Variants in ADCY8 observed in about 807,000 individuals in gnomAD.
ADCY8 encodes the protein adenylate cyclase 8.
A neutral mutation model predicts 119.7 loss-of-function variants in ADCY8; 51 were observed. The ratio of observed to expected loss-of-function variants is 0.43; its 90% CI spans 0.34 to 0.54. The LOEUF (loss-of-function observed/expected upper bound fraction) is 0.54. Among genes scored for constraint, ADCY8 ranks in the 20% least tolerant of loss-of-function variants. The pLI is 0.03. For synonymous variants in ADCY8, 665 were observed against 651.0 expected, an observed-to-expected ratio of 1.02 and a Z score of -0.33; for missense variants, 1,383 against 1,598.8, an observed-to-expected ratio of 0.87 and a Z score of 2.30.
chr8:131,034,684 T>C (rs1824096124), intron 1 of ADCY8, among the ~76,000 whole-genome samples: 1 of 151,952 alleles, frequency 6.6e-6, no homozygotes, highest in South Asian at 2.1e-4. Context: ...CTGCCTTTGA[T>C]TGTACAGTTA....
chr8:130,904,961 G>C lies in ADCY8; in HGVS notation c.1641-919C>G, dbSNP rs151069264. On this transcript the variant is annotated intron_variant, in intron 6 of 17. Transcript: ENST00000286355. ...GTTACAAACATGGACTTCATTGCTA[G>C]ATCTCCTAGATTCAAACCGTAGCTC... Among the ~76,000 whole-genome samples the C allele has an allele frequency of 6.6e-5, 10 of 152,268 alleles. No homozygotes were observed. The East Asian group carries it at 1.9e-3, about 29-fold the overall frequency.
intron 14 of ADCY8, among the ~76,000 whole-genome samples, chr8:130,807,915 C>T (rs1341064873): frequency 2.5e-4 from 30 of 120,830 alleles, no homozygotes; most frequent in Admixed American, 1.4e-3. Context: ...ACCCGGGAGG[C>T]GGAGCTTGCA....
rs965805505 is a variant in ADCY8, at chr8:130,888,487, GT to G, written c.1912-3727del. 5.1e-4 allele frequency among the ~76,000 whole-genome samples: 78 copies of G among 152,210 alleles called. 1 individual carries two copies. The highest frequency in any genetic ancestry group is 1.8e-3 in the African/African-American group (76 of 41,554). On this transcript the variant is annotated intron_variant, in intron 7 of 17. Transcript: ENST00000286355. ...AGCTGAGATGGCCTCTCATGACTGAGTTTTTTCCCAAAATGATGTTGAATTC... is the reference window on the plus strand; with the variant it reads ...AGCTGAGATGGCCTCTCATGACTGAGTTTTTCCCAAAATGATGTTGAATTC...
chr8:130,908,783 A>G (rs1368989531), intron 6 of ADCY8, among the ~76,000 whole-genome samples: 2 of 152,186 alleles, frequency 1.3e-5, no homozygotes, highest in African/African-American at 4.8e-5. Flanking sequence ...TGCTTTACAT[A>G]ACTTGCTGAA....
intron 2 of ADCY8, among the ~76,000 whole-genome samples, chr8:130,953,058 C>T (rs139151271): frequency 6.6e-6 from 1 of 152,184 alleles, no homozygotes; most frequent in African/African-American, 2.4e-5. Context: ...GAATTAAATT[C>T]TAAAAAGTCT....
chr8:130,784,085 G>A (rs561487534), intron 16 of ADCY8, among the ~76,000 whole-genome samples: 2 of 152,042 alleles, frequency 1.3e-5, no homozygotes. Context: ...ATTCCGTAGT[G>A]TATGTTCACT....
intron 2 of ADCY8, among the ~76,000 whole-genome samples, chr8:130,955,273 A>G (rs1157449305): frequency 3.9e-5 from 6 of 152,100 alleles, no homozygotes; most frequent in Non-Finnish European, 7.3e-5. Flanking sequence ...ATTCAACATA[A>G]CTCCATGGCA....
chr8:130,848,183 G>C (rs922326942), intron 10 of ADCY8, among the ~76,000 whole-genome samples: 1 of 152,152 alleles, frequency 6.6e-6, no homozygotes, highest in Non-Finnish European at 1.5e-5. Context: ...GTGGATCTGA[G>C]ATTTGAACAC....
intron 1 of ADCY8, among the ~76,000 whole-genome samples, chr8:131,022,518 A>G (rs1038937299): frequency 3.2e-4 from 49 of 152,314 alleles, no homozygotes; most frequent in African/African-American, 1.1e-3. Context: ...TATCCAGTCT[A>G]TCATTGATGG....
At chr8:130,912,886 G>C (rs1820023073) in intron 5 of ADCY8, among the ~76,000 whole-genome samples, 2 of 152,232 alleles carry the variant, frequency 1.3e-5, no homozygotes, top group Middle Eastern at 6.8e-3. Context: ...GGCAAGAGAA[G>C]AAATGGAATC....
At chr8:130,909,614 A>G (rs1819911251) in intron 6 of ADCY8, 94 bp downstream of exon 6, 1 of 1,464,390 alleles carries the variant, frequency 6.8e-7, no homozygotes, top group African/African-American at 1.4e-5. Flanking sequence ...TGCTTCCTAG[A>G]TCTAACCCTG....
At chr8:130,909,017 A>G (rs1163503385) in intron 6 of ADCY8, among the ~76,000 whole-genome samples, 2 of 97,482 alleles carry the variant, frequency 2.1e-5, no homozygotes, top group Admixed American at 2.3e-4. Context: ...CTCTTTCTCT[A>G]TCTCCATCCA....
At chr8:130,811,163 C>T (rs940968394) in intron 14 of ADCY8, among the ~76,000 whole-genome samples, 19 of 152,224 alleles carry the variant, frequency 1.2e-4, no homozygotes, top group East Asian at 3.9e-4. Flanking sequence ...GTGGAGTCTC[C>T]GCACCCAAGA....
At chr8:130,897,268 T>C (rs1024603162) in intron 7 of ADCY8, among the ~76,000 whole-genome samples, 1 of 152,096 alleles carries the variant, frequency 6.6e-6, no homozygotes, top group Admixed American at 6.6e-5. Context: ...TTCTTCCTTT[T>C]CTTCTAATAA....
intron 5 of ADCY8, 112 bp downstream of exon 5, chr8:130,936,961 T>G: frequency 7.5e-7 from 1 of 1,326,984 alleles, no homozygotes; most frequent in African/African-American, 1.5e-5. Flanking sequence ...GTGAAATAAG[T>G]CAAAAGGTTC....
Position 130,948,051 on chromosome 8 carries a change from G to T in ADCY8, c.1241+3817C>A, listed in dbSNP as rs61693766. Among the ~76,000 whole-genome samples the T allele has an allele frequency of 2.0e-3, 309 of 152,268 alleles. 2 individuals are homozygous for T. Among genetic ancestry groups the T allele is most frequent in the African/African-American group, 7.3e-3 (305 of 41,550 alleles). ...AAAAAAAAGTGGGTGTGAGTACTCT[G>T]CTTCCCCTTCCAATAACCAAATGCT... On this transcript the variant is annotated intron_variant, in intron 3 of 17. Transcript: ENST00000286355.
In ADCY8 at chr8:130,847,404, G is replaced by A; in HGVS notation, c.2502+20C>T. 1 of 1,563,894 alleles carries A rather than the reference G, an allele frequency of 6.4e-7. No individual in the cohort carries two copies. Among genetic ancestry groups the A allele is most frequent in the Non-Finnish European group, 8.8e-7 (1 of 1,139,012 alleles). ...ATATCTATGTCCAACTCTCACCAAG[G>A]GGAGCTCATAAATAAATACCTCTGG... On this transcript the variant is annotated intron_variant, in intron 11 of 17. Coordinates refer to ENST00000286355, the MANE Select transcript of ADCY8 (RefSeq NM_001115.3).
At chr8:130,916,835 A>G (rs1190265845) in intron 5 of ADCY8, among the ~76,000 whole-genome samples, 1 of 152,248 alleles carries the variant, frequency 6.6e-6, no homozygotes, top group Non-Finnish European at 1.5e-5. Context: ...GTTAATAAAT[A>G]TGTGGGTAAA....
intron 14 of ADCY8, among the ~76,000 whole-genome samples, chr8:130,808,932 C>T (rs1053868362): frequency 6.6e-5 from 10 of 151,580 alleles, no homozygotes; most frequent in East Asian, 5.9e-4. Context: ...GTGGGTTTCC[C>T]GGGACTCAGA....
Sources: gnomAD v4.1 joint callset for allele counts (sites outside exome capture counted in the v4.1 genomes callset) on GRCh38, gnomAD v4.1.1 for gene constraint, MANE v1.5 for transcripts, NCBI Gene and HGNC (gene_info 2026-07-23, HGNC 2026-07-21) for gene names.